SPOCK1: variants seen among roughly 807,000 people sequenced by gnomAD.
SPOCK1 encodes the protein testican-1.
A neutral mutation model predicts 55.3 loss-of-function variants in SPOCK1; 23 were observed. The observed-to-expected ratio is 0.42, with a 90% CI of 0.30 to 0.59. SPOCK1 has a LOEUF of 0.59. SPOCK1 is among the 20% of genes least tolerant of loss of function. The pLI is 0.22. For synonymous variants in SPOCK1, 226 were observed against 221.0 expected, an observed-to-expected ratio of 1.02 and a Z score of -0.20; for missense variants, 499 against 552.5, an observed-to-expected ratio of 0.90 and a Z score of 0.97.
At chr5:137,343,438 C>T (rs1345926274) in intron 2 of SPOCK1, among the ~76,000 whole-genome samples, 2 of 152,202 alleles carry the variant, frequency 1.3e-5, no homozygotes, top group African/African-American at 4.8e-5. Context: ...TCAACACTCC[C>T]ATTCAACAGT....
At chr5:137,320,327 A>T (rs1338719776) in intron 2 of SPOCK1, among the ~76,000 whole-genome samples, 2 of 152,222 alleles carry the variant, frequency 1.3e-5, no homozygotes, top group East Asian at 3.9e-4. Context: ...AAGAGAGCTC[A>T]GAAGCTTGTG....
intron 6 of SPOCK1, among the ~76,000 whole-genome samples, chr5:137,021,961 A>G (rs1751584757): frequency 6.6e-6 from 1 of 152,184 alleles, no homozygotes; most frequent in Non-Finnish European, 1.5e-5. Flanking sequence ...TTTGGAAAAA[A>G]ACTGTGGCAG....
chr5:137,312,695 G>GTAGGGTACAGTGGA, intron 2 of SPOCK1, among the ~76,000 whole-genome samples: 1 of 152,190 alleles, frequency 6.6e-6, no homozygotes, highest in South Asian at 2.1e-4. Context: ...CACACAGCGA[G>GTAGGGTACAGTGGA]TAGGGTACAG....
chr5:137,342,384 C>G (rs1049711303), intron 2 of SPOCK1, among the ~76,000 whole-genome samples: 1 of 152,162 alleles, frequency 6.6e-6, no homozygotes, highest in African/African-American at 2.4e-5. Flanking sequence ...TTTCTTTCAG[C>G]TCACCCCATG....
intron 3 of SPOCK1, among the ~76,000 whole-genome samples, chr5:137,217,971 T>C (rs1172489381): frequency 6.6e-6 from 1 of 150,514 alleles, no homozygotes; most frequent in Non-Finnish European, 1.5e-5. Flanking sequence ...TAGGTATAGA[T>C]GGTTAGAAGG....
chr5:137,328,746 AT>A (rs1299793539), intron 2 of SPOCK1, among the ~76,000 whole-genome samples: 1 of 152,240 alleles, frequency 6.6e-6, no homozygotes, highest in Non-Finnish European at 1.5e-5. Flanking sequence ...GCTAGGAGAC[AT>A]GCCAGGATCA....
intron 2 of SPOCK1, among the ~76,000 whole-genome samples, chr5:137,308,969 A>C (rs1353132648): frequency 1.3e-5 from 2 of 152,164 alleles, no homozygotes; most frequent in African/African-American, 2.4e-5. Context: ...GACTGGAGAA[A>C]TATACATAAC....
chr5:137,467,423 G>A (rs181796188), intron 2 of SPOCK1, among the ~76,000 whole-genome samples: 2 of 152,274 alleles, frequency 1.3e-5, no homozygotes, highest in African/African-American at 2.4e-5. Flanking sequence ...ACAACTATTT[G>A]AGTACCTACT....
intron 5 of SPOCK1, among the ~76,000 whole-genome samples, chr5:137,079,664 A>T (rs1469644741): frequency 6.6e-6 from 1 of 151,978 alleles, no homozygotes; most frequent in Non-Finnish European, 1.5e-5. Flanking sequence ...CTGCTTCTTC[A>T]ACAACACTGC....
chr5:137,024,316 G>GGGA (rs1554093474), intron 6 of SPOCK1, among the ~76,000 whole-genome samples: 1 of 139,954 alleles, frequency 7.1e-6, no homozygotes, highest in African/African-American at 2.8e-5. Flanking sequence ...CAGTTTGAAG[G>GGGA]GGGGGGGGTA....
At chr5:137,025,715 A>G (rs1751663135) in intron 6 of SPOCK1, among the ~76,000 whole-genome samples, 5 of 152,208 alleles carry the variant, frequency 3.3e-5, no homozygotes, top group Admixed American at 3.3e-4. Flanking sequence ...CAGGAGAAAA[A>G]TCTAAAACTG....
chr5:136,976,634 C>A lies in SPOCK1; in HGVS notation c.*2020G>T, dbSNP rs1750619723. The A allele has an allele frequency of 1.3e-5, 2 of 152,476 alleles. No homozygotes were observed. The highest frequency in any genetic ancestry group is 4.8e-5 in the African/African-American group (2 of 41,384). 9.4% of individuals were successfully genotyped at this position (152,476 alleles called of 1,614,324 possible). On this transcript the variant is annotated 3_prime_UTR_variant, in exon 11 of 11. Transcript: ENST00000394945. ...ATAGTAATTTTATTGCAATTAAGCA[C>A]CTGTTTTCTAAATTATCTCAGTTTT...
chr5:137,023,308 T>TC (rs1751608954), intron 6 of SPOCK1, among the ~76,000 whole-genome samples: 1 of 152,170 alleles, frequency 6.6e-6, no homozygotes, highest in Non-Finnish European at 1.5e-5. Context: ...CTTATTTTGG[T>TC]AATGTGAAAA....
At chr5:137,126,561 G>A (rs749014115) in intron 4 of SPOCK1, among the ~76,000 whole-genome samples, 7 of 152,098 alleles carry the variant, frequency 4.6e-5, no homozygotes, top group Non-Finnish European at 7.4e-5. Context: ...TCAGGAGTTC[G>A]AGACCAGCCT....
intron 6 of SPOCK1, among the ~76,000 whole-genome samples, chr5:137,026,092 G>A (rs556496960): frequency 2.0e-5 from 3 of 152,348 alleles, no homozygotes; most frequent in South Asian, 2.1e-4. Flanking sequence ...ATATACCTGA[G>A]GTCATCTAGC....
At chr5:137,252,462 T>C (rs1294127682) in intron 3 of SPOCK1, among the ~76,000 whole-genome samples, 3 of 152,328 alleles carry the variant, frequency 2.0e-5, no homozygotes, top group Non-Finnish European at 2.9e-5. Context: ...TCCTAGAATA[T>C]TGTATGCAAA....
intron 5 of SPOCK1, among the ~76,000 whole-genome samples, chr5:137,089,295 C>T (rs1285068361): frequency 3.3e-5 from 5 of 152,240 alleles, no homozygotes; most frequent in Non-Finnish European, 5.9e-5. Flanking sequence ...GTCTCAACAG[C>T]ATTTTCTAAT....
chr5:137,112,023 G>T (rs894049539), intron 5 of SPOCK1, among the ~76,000 whole-genome samples: 2 of 152,036 alleles, frequency 1.3e-5, no homozygotes, highest in African/African-American at 4.8e-5. Context: ...TGAATTAGGT[G>T]TGCACTGATG....
intron 2 of SPOCK1, among the ~76,000 whole-genome samples, chr5:137,315,231 A>T (rs575405109): frequency 6.6e-6 from 1 of 152,040 alleles, no homozygotes; most frequent in Admixed American, 6.5e-5. Flanking sequence ...AGAATTCAAC[A>T]CTAATCCTCA....
Sources: allele counts gnomAD v4.1 joint callset (sites outside exome capture counted in the v4.1 genomes callset), GRCh38; gene constraint gnomAD v4.1.1; transcripts MANE v1.5; gene names NCBI Gene and HGNC (gene_info 2026-07-23, HGNC 2026-07-21).